Variants in LMNTD1 observed in about 807,000 individuals in gnomAD.
LMNTD1 encodes the protein lamin tail domain containing 1.
A neutral mutation model predicts 50.9 loss-of-function variants in LMNTD1; 35 were observed. The observed-to-expected ratio is 0.69, with a 90% CI of 0.53 to 0.91. LMNTD1 has a LOEUF of 0.91. LMNTD1 is among the 40% of genes least tolerant of loss of function. LMNTD1 has a pLI of 0.00. For missense variants in LMNTD1, 470 were observed against 475.5 expected, an observed-to-expected ratio of 0.99 and a Z score of 0.11; for synonymous variants, 153 against 161.9, an observed-to-expected ratio of 0.94 and a Z score of 0.42.
intron 1 of LMNTD1, among the ~76,000 whole-genome samples, chr12:25,626,703 T>C (rs1462413508): frequency 6.6e-6 from 1 of 152,196 alleles, no homozygotes; most frequent in Non-Finnish European, 1.5e-5. Flanking sequence ...TTTTAGCACG[T>C]GTTTCACCTA....
intron 8 of LMNTD1, among the ~76,000 whole-genome samples, chr12:25,515,945 T>A (rs970486181): frequency 9.9e-6 from 1 of 100,594 alleles, no homozygotes; most frequent in East Asian, 3.6e-4. Context: ...TGTCTGGTTT[T>A]TTTTCTTTGC....
chr12:25,612,590 G>C (rs1254054786), intron 1 of LMNTD1, among the ~76,000 whole-genome samples: 2 of 152,016 alleles, frequency 1.3e-5, no homozygotes, highest in Non-Finnish European at 2.9e-5. Flanking sequence ...TCTGCTTGTT[G>C]TATGCCCAGT....
chr12:25,492,459 T>A (rs183646689), intron 9 of LMNTD1, among the ~76,000 whole-genome samples: 17 of 152,316 alleles, frequency 1.1e-4, no homozygotes, highest in Admixed American at 3.9e-4. Context: ...AAAAAACTTG[T>A]CACGAATATT....
At chr12:25,609,589 A>C (rs887663845) in intron 1 of LMNTD1, among the ~76,000 whole-genome samples, 4 of 152,184 alleles carry the variant, frequency 2.6e-5, no homozygotes, top group Admixed American at 6.5e-5. Flanking sequence ...CCTCAGCTGC[A>C]GGTCTGTTGG....
intron 1 of LMNTD1, among the ~76,000 whole-genome samples, chr12:25,624,895 A>G (rs1946554595): frequency 6.6e-6 from 1 of 152,210 alleles, no homozygotes; most frequent in Non-Finnish European, 1.5e-5. Flanking sequence ...AGCATTCACA[A>G]ATTGCCTTTG....
intron 1 of LMNTD1, among the ~76,000 whole-genome samples, chr12:25,624,760 G>A (rs1416894977): frequency 6.6e-6 from 1 of 152,158 alleles, no homozygotes; most frequent in Non-Finnish European, 1.5e-5. Context: ...GTACTCATTA[G>A]CTTAGGATTA....
Position 25,533,040 on chromosome 12 carries a change from A to C in LMNTD1, c.492-6085T>G, listed in dbSNP as rs562566349. Among the ~76,000 whole-genome samples, 7 of 152,314 alleles carry C rather than the reference A, an allele frequency of 4.6e-5. No homozygotes were observed. In the East Asian group the frequency reaches 1.3e-3, roughly 29 times the overall value. On this transcript the variant is annotated intron_variant, in intron 4 of 9. Coordinates refer to ENST00000458174, the MANE Select transcript of LMNTD1 (RefSeq NM_001145728.2). ...GCTTTTCAAAAATCCTTCATTATAC[A>C]AGCAAAGTGCTTATTTATTAACCTC...
intron 1 of LMNTD1, among the ~76,000 whole-genome samples, chr12:25,587,421 C>A (rs1164903828): frequency 3.9e-5 from 6 of 152,202 alleles, no homozygotes; most frequent in Non-Finnish European, 8.8e-5. Flanking sequence ...GAAAGGGAAG[C>A]AGGAGCAGGC....
intron 1 of LMNTD1, among the ~76,000 whole-genome samples, chr12:25,622,732 T>G (rs1946502479): frequency 6.6e-6 from 1 of 152,100 alleles, no homozygotes; most frequent in Admixed American, 6.6e-5. Flanking sequence ...TGACCTCACG[T>G]ATTCAGAGAT....
chr12:25,580,325 G>A (rs1030556730), intron 1 of LMNTD1, among the ~76,000 whole-genome samples: 10 of 152,108 alleles, frequency 6.6e-5, no homozygotes, highest in Middle Eastern at 6.8e-3. Flanking sequence ...AAACTGATAC[G>A]CAATCATTTG....
chr12:25,602,030 G>C (rs545210492), intron 1 of LMNTD1, among the ~76,000 whole-genome samples: 6 of 151,896 alleles, frequency 4.0e-5, no homozygotes, highest in African/African-American at 1.4e-4. Context: ...TATAATGTTA[G>C]AAACCATGTT....
chr12:25,535,304 G>A (rs1382083685), intron 4 of LMNTD1, among the ~76,000 whole-genome samples: 1 of 147,164 alleles, frequency 6.8e-6, no homozygotes, highest in Non-Finnish European at 1.5e-5. Flanking sequence ...AAAAATAACA[G>A]AGCATTAGTA....
intron 2 of LMNTD1, among the ~76,000 whole-genome samples, chr12:25,549,988 A>C (rs945515257): frequency 2.0e-5 from 3 of 152,156 alleles, no homozygotes; most frequent in Non-Finnish European, 4.4e-5. Flanking sequence ...ATTCTGGTTT[A>C]ATATATCATT....
intron 1 of LMNTD1, among the ~76,000 whole-genome samples, chr12:25,575,615 C>T (rs1944975270): frequency 6.6e-6 from 1 of 152,138 alleles, no homozygotes; most frequent in African/African-American, 2.4e-5. Context: ...CAAACCTCTG[C>T]TTCTTTGACA....
At chr12:25,634,774 C>T (rs1473978538) in intron 1 of LMNTD1, among the ~76,000 whole-genome samples, 3 of 152,146 alleles carry the variant, frequency 2.0e-5, no homozygotes, top group African/African-American at 7.2e-5. Flanking sequence ...TCTCACCACT[C>T]CTCTTCAACA....
chr12:25,622,982 G>A (rs1160211845), intron 1 of LMNTD1, among the ~76,000 whole-genome samples: 1 of 148,670 alleles, frequency 6.7e-6, no homozygotes, highest in Non-Finnish European at 1.5e-5. Context: ...GCTGGCGGAC[G>A]ACGGGGAAGG....
chr12:25,494,043 C>A (rs983391326), intron 9 of LMNTD1, among the ~76,000 whole-genome samples: 15 of 152,126 alleles, frequency 9.9e-5, no homozygotes, highest in African/African-American at 3.4e-4. Context: ...TCCTTCCCCA[C>A]CCCAACCTAT....
At chr12:25,496,911 C>A (rs1278020439) in intron 9 of LMNTD1, among the ~76,000 whole-genome samples, 1 of 152,058 alleles carries the variant, frequency 6.6e-6, no homozygotes, top group East Asian at 1.9e-4. Flanking sequence ...CTCTGTTATA[C>A]TTTCCATCTC....
At position 25,542,221 on chromosome 12, in the gene LMNTD1, G is replaced by C. The variant is rs1343419130; in HGVS notation, c.491+4153C>G. Among the ~76,000 whole-genome samples the C allele has an allele frequency of 3.9e-5, 6 of 152,066 alleles. No individual in the cohort carries two copies. In the East Asian group the frequency reaches 1.2e-3, roughly 29 times the overall value. ...ATTTGACCCAGCCTCCCATTACTGG[G>C]TATATACCCAAAGGACTATAAATCA... On this transcript the variant is annotated intron_variant, in intron 4 of 9. Transcript: ENST00000458174.
Sources: allele counts gnomAD v4.1 joint callset (sites outside exome capture counted in the v4.1 genomes callset), GRCh38; gene constraint gnomAD v4.1.1; transcripts MANE v1.5; gene names NCBI Gene and HGNC (gene_info 2026-07-23, HGNC 2026-07-21).